The following FAM118B variants were observed in gnomAD, a reference collection of about 807,000 sequenced individuals.
FAM118B encodes the protein SIR2 antiphage like 1.
In FAM118B, 24 loss-of-function variants were observed where a neutral mutation model predicts 38.5. The ratio of observed to expected loss-of-function variants is 0.62; its 90% CI spans 0.45 to 0.88. FAM118B has a LOEUF of 0.88. Ranked by LOEUF, FAM118B falls within the 40% of genes least tolerant of loss-of-function variation. FAM118B has a pLI of 0.00. For missense variants in FAM118B, 334 were observed against 420.0 expected (o/e 0.80, Z 1.79); for synonymous variants, 138 against 156.3 (o/e 0.88, Z 0.87).
rs934236822 is a variant in FAM118B, at chr11:126,250,946, G to C, written c.567+213G>C. On this transcript the variant is annotated intron_variant, in intron 5 of 8. Coordinates refer to ENST00000533050, the MANE Select transcript of FAM118B (RefSeq NM_024556.4). The surrounding 1 kb of genome is among the most constrained non-coding windows in gnomAD (Gnocchi z 5.1). ...AGAACTTAAAAGTGTTCAGTTCTAT[G>C]ACTCTTGACAATTTCATCCAGTTTT... 2.0e-5 allele frequency among the ~76,000 whole-genome samples: 3 copies of C among 152,110 alleles called. No homozygotes were observed. The highest frequency in any genetic ancestry group is 7.2e-5 in the African/African-American group (3 of 41,424).
chr11:126,236,875 T>A (rs1003424374), intron 3 of FAM118B, among the ~76,000 whole-genome samples: 1 of 151,708 alleles, frequency 6.6e-6, no homozygotes, highest in African/African-American at 2.4e-5. Context: ...GTCTTTTTGT[T>A]TGTTCATTTT....
Position 126,250,651 on chromosome 11 carries a change from CA to C in FAM118B, c.488del (p.Asn163IlefsTer38). On this transcript the variant is annotated frameshift_variant, in exon 5 of 9. Transcript: ENST00000533050. LOFTEE classifies it high-confidence loss of function. The surrounding 1 kb of genome is among the most constrained non-coding windows in gnomAD (Gnocchi z 5.1). Reference sequence around the variant, plus strand: ...GAAAATGGAGCCCTCGTATTAACTACAAATTTTGATAATCTCTTGGAACTGT... The same window carrying C: ...GAAAATGGAGCCCTCGTATTAACTACAATTTTGATAATCTCTTGGAACTGT... The part of the protein sequence containing the change: ...LMENGALVLT[T>X]NFDNLLELYA... 1 of 1,614,128 alleles carries C rather than the reference CA, an allele frequency of 6.2e-7. No homozygotes were observed. Among genetic ancestry groups the C allele is most frequent in the Non-Finnish European group, 8.5e-7 (1 of 1,180,008 alleles).
intron 4 of FAM118B, 47 bp downstream of exon 4, chr11:126,241,091 T>G (rs774642462): frequency 4.6e-6 from 7 of 1,509,842 alleles, no homozygotes; most frequent in Non-Finnish European, 6.2e-6. Context: ...TCCTAAAATT[T>G]AACTATCACA....
intron 4 of FAM118B, among the ~76,000 whole-genome samples, chr11:126,249,911 C>T (rs929139150): frequency 9.9e-5 from 15 of 151,984 alleles, no homozygotes; most frequent in African/African-American, 3.4e-4. Context: ...CCTTTAATAC[C>T]GACAGTAAAT....
At chr11:126,234,473 G>A (rs1210706939) in intron 2 of FAM118B, among the ~76,000 whole-genome samples, 1 of 152,132 alleles carries the variant, frequency 6.6e-6, no homozygotes, top group Non-Finnish European at 1.5e-5. Flanking sequence ...ATGCCCCACT[G>A]GCTACAAGGT....
intron 3 of FAM118B, among the ~76,000 whole-genome samples, chr11:126,235,676 G>A (rs1211789614): frequency 6.6e-6 from 1 of 152,224 alleles, no homozygotes; most frequent in African/African-American, 2.4e-5. Flanking sequence ...CTGCCACCAT[G>A]CCCAGCTAAT....
intron 7 of FAM118B, among the ~76,000 whole-genome samples, chr11:126,258,717 A>T (rs528655782): frequency 1.3e-5 from 2 of 152,358 alleles, no homozygotes; most frequent in South Asian, 4.1e-4. Context: ...TGTTTTCATT[A>T]ACAAGACATA....
At chr11:126,247,573 C>T (rs973888306) in intron 4 of FAM118B, among the ~76,000 whole-genome samples, 8 of 151,882 alleles carry the variant, frequency 5.3e-5, no homozygotes, top group African/African-American at 1.2e-4. Context: ...AAATGTAGTA[C>T]GTATTTGCCA....
Position 126,255,510 on chromosome 11 carries a change from G to T in FAM118B, c.697-1057G>T, listed in dbSNP as rs1380198919. On this transcript the variant is annotated intron_variant, in intron 6 of 8. Transcript: ENST00000533050. The surrounding 1 kb of genome is among the most constrained non-coding windows in gnomAD (Gnocchi z 4.6). ...ATGTATACACACACACACACATACTGATGTTCTAAGTATCAAACGCCTTTC... is the reference window on the plus strand; with the variant it reads ...ATGTATACACACACACACACATACTTATGTTCTAAGTATCAAACGCCTTTC... Among the ~76,000 whole-genome samples, 1 of 152,040 alleles carries T rather than the reference G, an allele frequency of 6.6e-6. No homozygotes were observed. Among genetic ancestry groups the T allele is most frequent in the Non-Finnish European group, 1.5e-5 (1 of 68,018 alleles).
Position 126,246,914 on chromosome 11 carries a change from G to A in FAM118B, c.340-3592G>A, listed in dbSNP as rs1053134503. ...TCTTTGCTTATAAAGGCCACTGGTG[G>A]CAAATTTAGTTCTAGGGTCATCTGC... On this transcript the variant is annotated intron_variant, in intron 4 of 8. Transcript: ENST00000533050. 3.3e-5 allele frequency among the ~76,000 whole-genome samples: 5 copies of A among 152,236 alleles called. No individual in the cohort carries two copies. The East Asian group carries it at 7.7e-4, about 24-fold the overall frequency.
rs1950529244 is a variant in FAM118B, at chr11:126,253,216, A to ATTTGT, written c.568-1085_568-1084insTTTTG. 1.3e-5 allele frequency among the ~76,000 whole-genome samples: 2 copies of ATTTGT among 152,148 alleles called. No individual in the cohort carries two copies. The highest frequency in any genetic ancestry group is 1.3e-4 in the Admixed American group (2 of 15,280). Reference sequence around the variant, plus strand: ...TCTCATTTCATCCTTGGGCCTCAAGATTTGCATTGTATTTTCAGCCCACAT... The same window carrying ATTTGT: ...TCTCATTTCATCCTTGGGCCTCAAGATTTGTTTTGCATTGTATTTTCAGCCCACAT... On this transcript the variant is annotated intron_variant, in intron 5 of 8. Coordinates refer to ENST00000533050, the MANE Select transcript of FAM118B (RefSeq NM_024556.4). This position sits in a 1 kb window ranked among gnomAD's most constrained non-coding sequence, Gnocchi z 5.1.
intron 1 of FAM118B, among the ~76,000 whole-genome samples, chr11:126,226,904 G>A (rs1950149378): frequency 6.6e-6 from 1 of 150,464 alleles, no homozygotes. Context: ...GATGGTGGAG[G>A]CTGCAATGAG....
chr11:126,262,319 A>T lies in FAM118B; in HGVS notation c.*186A>T. On this transcript the variant is annotated 3_prime_UTR_variant, in exon 9 of 9. Coordinates refer to ENST00000533050, the MANE Select transcript of FAM118B (RefSeq NM_024556.4). ...TCCTTCATACCACCTGGTTCTTGAT[A>T]TTCTGCCGCCTGTTCAAGTTCAAGA... The T allele has an allele frequency of 1.1e-4, 57 of 497,074 alleles. No homozygotes were observed. Among genetic ancestry groups the T allele is most frequent in the Middle Eastern group, 3.2e-4 (1 of 3,134 alleles). 30.8% of individuals were successfully genotyped at this position (497,074 alleles called of 1,614,324 possible). A position where few individuals can be genotyped will look rare whatever the true frequency, so the allele number is the denominator to read the frequency against.
chr11:126,256,506 G>T lies in FAM118B; in HGVS notation c.697-61G>T. 1 of 1,528,066 alleles carries T rather than the reference G, an allele frequency of 6.5e-7. No homozygotes were observed. Among genetic ancestry groups the T allele is most frequent in the Non-Finnish European group, 8.9e-7 (1 of 1,119,114 alleles). The allele number at this position is 1,528,066 out of a possible 1,614,324, so 94.7% of individuals were successfully genotyped here. ...CTGCTCAACGTAGCATGACCTTCTT[G>T]TTTCAGACTTGCCTTGAGTGTGTCT... On this transcript the variant is annotated intron_variant, in intron 6 of 8. Coordinates refer to ENST00000533050, the MANE Select transcript of FAM118B (RefSeq NM_024556.4). The surrounding 1 kb of genome is among the most constrained non-coding windows in gnomAD (Gnocchi z 6.6).
chr11:126,240,703 C>T, intron 3 of FAM118B, 89 bp from the exon 4 acceptor site: 1 of 1,357,368 alleles, frequency 7.4e-7, no homozygotes. Context: ...TAAAAGTTAG[C>T]TAAAAACTGT....
Position 126,252,122 on chromosome 11 carries a change from G to T in FAM118B, c.567+1389G>T, listed in dbSNP as rs1229784873. Among the ~76,000 whole-genome samples the T allele has an allele frequency of 6.6e-6, 1 of 152,084 alleles. No individual in the cohort carries two copies. The highest frequency in any genetic ancestry group is 1.5e-5 in the Non-Finnish European group (1 of 68,046). ...CTGCCTCAGCGTCCCGAATAGCTGG[G>T]ATTACAGGCACCCGCCATCACGTCT... On this transcript the variant is annotated intron_variant, in intron 5 of 8. Transcript: ENST00000533050. The surrounding 1 kb of genome is among the most constrained non-coding windows in gnomAD (Gnocchi z 4.7).
intron 1 of FAM118B, among the ~76,000 whole-genome samples, chr11:126,223,355 C>T (rs1190556292): frequency 1.3e-4 from 20 of 152,004 alleles, no homozygotes; most frequent in Non-Finnish European, 1.5e-5. Flanking sequence ...AATCCCAGCA[C>T]TTTGGGAGCT....
At chr11:126,227,436 G>A (rs190826267) in intron 1 of FAM118B, among the ~76,000 whole-genome samples, 4 of 151,868 alleles carry the variant, frequency 2.6e-5, no homozygotes, top group Non-Finnish European at 5.9e-5. Flanking sequence ...ACCTATGATG[G>A]GTTTTTATTC....
chr11:126,214,517 T>TG lies in FAM118B; in HGVS notation c.-77+2687_-77+2688insG, dbSNP rs1565322482. ...TTTTTTTTTTTGTTTTTTTTTTGTT[T>TG]TTTTTTTTTTACCTCTATATTGCCT... On this transcript the variant is annotated intron_variant, in intron 1 of 8. Transcript: ENST00000533050. The TG allele has an allele frequency of 1.4e-4, 13 of 95,472 alleles. 1 individual carries two copies. The highest frequency in any genetic ancestry group is 4.7e-4 in the African/African-American group (12 of 25,764). 5.9% of individuals were successfully genotyped at this position (95,472 alleles called of 1,614,324 possible).
Sources: gnomAD v4.1 joint callset for allele counts (sites outside exome capture counted in the v4.1 genomes callset) on GRCh38, gnomAD v4.1.1 for gene constraint, Gnocchi (gnomAD v3.1) non-coding constraint, MANE v1.5 for transcripts, NCBI Gene and HGNC (gene_info 2026-07-23, HGNC 2026-07-21) for gene names.